Variants in NAALADL2 observed in about 807,000 individuals in gnomAD.
NAALADL2 encodes the protein inactive N-acetylated-alpha-linked acidic dipeptidase-like protein 2.
In NAALADL2, 76 loss-of-function variants were observed where a neutral mutation model predicts 87.2. The observed-to-expected ratio is 0.87, with a 90% confidence interval of 0.72 to 1.05. The LOEUF is 1.05. Ranked by LOEUF, NAALADL2 falls within the 50% of genes least tolerant of loss-of-function variation. The pLI is 0.00. For synonymous variants in NAALADL2, 354 were observed against 331.0 expected, an observed-to-expected ratio of 1.07 and a Z score of -0.75; for missense variants, 1,089 against 945.8, an observed-to-expected ratio of 1.15 and a Z score of -1.99.
chr3:174,907,398 C>A (rs1215264148), intron 1 of NAALADL2, among the ~76,000 whole-genome samples: 1 of 152,046 alleles, frequency 6.6e-6, no homozygotes, highest in Non-Finnish European at 1.5e-5. Flanking sequence ...GTTGAAGATG[C>A]TAAGAAGTGT....
intron 1 of NAALADL2, among the ~76,000 whole-genome samples, chr3:174,866,481 A>T (rs553615857): frequency 1.5e-4 from 23 of 152,042 alleles, no homozygotes; most frequent in African/African-American, 5.5e-4. Context: ...ATGTATTTAC[A>T]TGATTTACAT....
intron 5 of NAALADL2, among the ~76,000 whole-genome samples, chr3:175,327,444 C>G (rs576114073): frequency 2.0e-5 from 3 of 152,046 alleles, no homozygotes; most frequent in Non-Finnish European, 4.4e-5. Context: ...CGTGAGCCAC[C>G]GCACCCTGCC....
At chr3:174,776,234 C>T (rs1715197802) in intron 3 of NAALADL2, among the ~76,000 whole-genome samples, 1 of 152,086 alleles carries the variant, frequency 6.6e-6, no homozygotes, top group Non-Finnish European at 1.5e-5. Context: ...CAACAATACT[C>T]TAAGAAGTTC....
At chr3:175,467,558 G>A (rs982430291) in intron 8 of NAALADL2, among the ~76,000 whole-genome samples, 61 of 152,130 alleles carry the variant, frequency 4.0e-4, no homozygotes, top group African/African-American at 1.4e-3. Context: ...TCTGGAATTA[G>A]GGAACAGTCT....
At chr3:175,710,585 G>GATAT (rs147185491) in intron 11 of NAALADL2, among the ~76,000 whole-genome samples, 7,543 of 145,866 alleles carry the variant, frequency 0.052, 228 homozygotes, top group African/African-American at 0.092. Flanking sequence ...TACGTATTCA[G>GATAT]ATATATATAT....
chr3:175,183,833 T>C, intron 2 of NAALADL2, among the ~76,000 whole-genome samples: 1 of 152,050 alleles, frequency 6.6e-6, no homozygotes, highest in Admixed American at 6.6e-5. Context: ...AGAGTTTGAG[T>C]CCTATTATTT....
chr3:175,539,673 T>C lies in NAALADL2; in HGVS notation c.1654-36368T>C, dbSNP rs76279699. 5.2e-3 allele frequency among the ~76,000 whole-genome samples: 785 copies of C among 152,052 alleles called. 7 individuals are homozygous for C. Among genetic ancestry groups the C allele is most frequent in the Non-Finnish European group, 8.1e-3 (551 of 67,984 alleles). On this transcript the variant is annotated intron_variant, in intron 9 of 13. Transcript: ENST00000454872. ...TCCCACTGTCTTCCCCCTTGACCCCTTGACAGAATCATAATAGGGCTTTAA... is the reference window on the plus strand; with the variant it reads ...TCCCACTGTCTTCCCCCTTGACCCCCTGACAGAATCATAATAGGGCTTTAA...
Position 174,669,735 on chromosome 3 carries a change from A to G in NAALADL2, c.-114-67906A>G, listed in dbSNP as rs116105994. ...CCGTTATTTGGGGTCTCTTGAGATT[A>G]CATATGAATTGTAGGATTTTTTTTC... On this transcript the variant is annotated intron_variant, in intron 2 of 3. Coordinates refer to the NAALADL2 transcript ENST00000434257. 8.1e-3 allele frequency among the ~76,000 whole-genome samples: 1,234 copies of G among 152,184 alleles called. 18 individuals are homozygous for G. The highest frequency in any genetic ancestry group is 0.028 in the African/African-American group (1,183 of 41,538).
At chr3:174,864,937 A>T (rs1430263855) in intron 1 of NAALADL2, among the ~76,000 whole-genome samples, 1 of 152,064 alleles carries the variant, frequency 6.6e-6, no homozygotes, top group African/African-American at 2.4e-5. Flanking sequence ...TATTAGGATG[A>T]CAATACACAA....
intron 1 of NAALADL2, among the ~76,000 whole-genome samples, chr3:174,895,304 GAGA>G (rs1731376131): frequency 7.9e-6 from 1 of 126,212 alleles, no homozygotes; most frequent in African/African-American, 3.0e-5. Flanking sequence ...GAAAAACAGA[GAGA>G]AGATCTAAAA....
At chr3:175,148,079 A>G (rs1445908893) in intron 2 of NAALADL2, among the ~76,000 whole-genome samples, 1 of 140,626 alleles carries the variant, frequency 7.1e-6, no homozygotes, top group South Asian at 2.2e-4. Context: ...TCAAAATAAT[A>G]ATAATGATAA....
intron 5 of NAALADL2, among the ~76,000 whole-genome samples, chr3:175,328,430 A>C (rs1023341655): frequency 6.6e-6 from 1 of 152,106 alleles, no homozygotes; most frequent in Non-Finnish European, 1.5e-5. Flanking sequence ...AAAAAAAAAA[A>C]AGTCTAACCC....
intron 3 of NAALADL2, among the ~76,000 whole-genome samples, chr3:175,253,782 G>A (rs1749469810): frequency 6.6e-6 from 1 of 152,156 alleles, no homozygotes; most frequent in Non-Finnish European, 1.5e-5. Flanking sequence ...TTATAGACGA[G>A]TTTGAGGGGT....
intron 5 of NAALADL2, among the ~76,000 whole-genome samples, chr3:175,368,053 T>G (rs888410074): frequency 6.6e-5 from 10 of 151,994 alleles, no homozygotes; most frequent in Non-Finnish European, 1.3e-4. Context: ...TTATTGAGAG[T>G]TTTTAGCATG....
intron 9 of NAALADL2, among the ~76,000 whole-genome samples, chr3:175,480,253 G>A (rs1726261501): frequency 6.6e-6 from 1 of 151,494 alleles, no homozygotes; most frequent in African/African-American, 2.4e-5. Context: ...AAACATTGGT[G>A]GAATACAAGA....
chr3:175,276,402 C>T (rs1337954243), intron 4 of NAALADL2, among the ~76,000 whole-genome samples: 8 of 149,616 alleles, frequency 5.3e-5, no homozygotes, highest in South Asian at 2.1e-4. Context: ...CAGGTTCAAA[C>T]GATTCTCTTG....
At chr3:174,806,058 T>A (rs1719436120) in intron 3 of NAALADL2, among the ~76,000 whole-genome samples, 1 of 152,210 alleles carries the variant, frequency 6.6e-6, no homozygotes, top group Non-Finnish European at 1.5e-5. Context: ...TGATGATGAC[T>A]ATACAAGTGT....
At chr3:175,218,435 A>G (rs1742866339) in intron 2 of NAALADL2, among the ~76,000 whole-genome samples, 1 of 151,972 alleles carries the variant, frequency 6.6e-6, no homozygotes, top group Non-Finnish European at 1.5e-5. Flanking sequence ...TATTGTTCCA[A>G]AGGAGGTTTG....
At chr3:175,034,066 C>T (rs1753110405) in intron 1 of NAALADL2, among the ~76,000 whole-genome samples, 1 of 152,110 alleles carries the variant, frequency 6.6e-6, no homozygotes, top group African/African-American at 2.4e-5. Flanking sequence ...TGTCACATCT[C>T]CTTAATCTTC....
Sources: allele counts gnomAD v4.1 joint callset (sites outside exome capture counted in the v4.1 genomes callset), GRCh38; gene constraint gnomAD v4.1.1; transcripts MANE v1.5; gene names NCBI Gene and HGNC (gene_info 2026-07-23, HGNC 2026-07-21).